Variants in NRXN3 observed in about 807,000 individuals in gnomAD.
The protein encoded by NRXN3 is neurexin III.
A neutral mutation model predicts 137.6 loss-of-function variants in NRXN3; 32 were observed. The ratio of observed to expected loss-of-function variants is 0.23; its 90% CI spans 0.18 to 0.31. The LOEUF (loss-of-function observed/expected upper bound fraction) is 0.31. Among genes scored for constraint, NRXN3 ranks in the 10% least tolerant of loss-of-function variants. NRXN3 has a pLI of 1.00. For synonymous variants in NRXN3, 798 were observed against 784.5 expected (o/e 1.02, Z -0.29); for missense variants, 1,574 against 2,062.5 (o/e 0.76, Z 4.59).
chr14:78,832,637 CT>C (rs1361682757), intron 10 of NRXN3, among the ~76,000 whole-genome samples: 1 of 152,014 alleles, frequency 6.6e-6, no homozygotes, highest in Non-Finnish European at 1.5e-5. Flanking sequence ...ATAAAAGTGC[CT>C]AGATCAAAGG....
intron 4 of NRXN3, among the ~76,000 whole-genome samples, chr14:78,501,968 C>T (rs1454268657): frequency 1.3e-5 from 2 of 152,130 alleles, no homozygotes; most frequent in Admixed American, 1.3e-4. Context: ...CTACTGCAGA[C>T]CCTGGATCTC....
chr14:79,317,229 T>C (rs559305853), intron 15 of NRXN3, among the ~76,000 whole-genome samples: 1 of 151,850 alleles, frequency 6.6e-6, no homozygotes, highest in East Asian at 1.9e-4. Context: ...CGAGGCTACT[T>C]CTCAAAAAAG....
intron 19 of NRXN3, among the ~76,000 whole-genome samples, chr14:79,759,049 G>A (rs896190795): frequency 6.6e-6 from 1 of 152,118 alleles, no homozygotes; most frequent in Admixed American, 6.6e-5. Flanking sequence ...ACATTGCAGG[G>A]GGTGGGAGAC....
At chr14:78,510,033 C>A (rs981036468) in intron 4 of NRXN3, among the ~76,000 whole-genome samples, 5 of 117,522 alleles carry the variant, frequency 4.3e-5, no homozygotes, top group Admixed American at 8.6e-5. Flanking sequence ...CAGAACATGA[C>A]AAAATTTTAT....
rs933733940 is a variant in NRXN3, at chr14:78,511,076, T to A, written c.758-134044T>A. On this transcript the variant is annotated intron_variant, in intron 4 of 20. Coordinates refer to ENST00000335750, the MANE Select transcript of NRXN3 (RefSeq NM_001330195.2). ...CCAGTGCCTTCTTATTTCTAATGCC[T>A]CCTAGTCTGATGTCACTGAGAAGAT... Among the ~76,000 whole-genome samples the A allele has an allele frequency of 3.9e-5, 6 of 152,288 alleles. No individual in the cohort carries two copies. The South Asian group carries it at 8.3e-4, about 21-fold the overall frequency.
intron 1 of NRXN3, among the ~76,000 whole-genome samples, chr14:78,218,313 G>T (rs552285421): frequency 6.6e-6 from 1 of 152,238 alleles, no homozygotes; most frequent in Non-Finnish European, 1.5e-5. Flanking sequence ...CCATGCTCAC[G>T]CCACTGTGCT....
intron 4 of NRXN3, among the ~76,000 whole-genome samples, chr14:78,397,141 T>G (rs865933481): frequency 6.6e-6 from 1 of 152,352 alleles, no homozygotes; most frequent in South Asian, 2.1e-4. Context: ...ATCATGTGGA[T>G]TTAAACATTT....
At chr14:79,213,603 G>A (rs1048014093) in intron 15 of NRXN3, among the ~76,000 whole-genome samples, 5 of 149,818 alleles carry the variant, frequency 3.3e-5, no homozygotes, top group African/African-American at 1.2e-4. Context: ...CCCAAGTCCT[G>A]TCTCCTCTCA....
intron 15 of NRXN3, among the ~76,000 whole-genome samples, chr14:79,210,385 T>C (rs1324216997): frequency 6.6e-6 from 1 of 152,170 alleles, no homozygotes; most frequent in Non-Finnish European, 1.5e-5. Context: ...AAGAAAATGT[T>C]GAATAAATGA....
intron 15 of NRXN3, among the ~76,000 whole-genome samples, chr14:79,204,696 C>T: frequency 6.6e-6 from 1 of 152,094 alleles, no homozygotes; most frequent in South Asian, 2.1e-4. Context: ...AACCAAGCAG[C>T]TGTTGGGTAG....
At chr14:79,754,925 A>C (rs2099014143) in intron 19 of NRXN3, among the ~76,000 whole-genome samples, 1 of 152,064 alleles carries the variant, frequency 6.6e-6, no homozygotes, top group Non-Finnish European at 1.5e-5. Context: ...CCATGCGAAG[A>C]AGGTCTTTGC....
At chr14:79,506,651 G>A (rs1184492768) in intron 16 of NRXN3, among the ~76,000 whole-genome samples, 1 of 152,034 alleles carries the variant, frequency 6.6e-6, no homozygotes, top group Non-Finnish European at 1.5e-5. Flanking sequence ...TCTAACTTAG[G>A]CAGCATTGAA....
intron 4 of NRXN3, among the ~76,000 whole-genome samples, chr14:78,625,057 G>A (rs2097443650): frequency 6.6e-6 from 1 of 152,074 alleles, no homozygotes; most frequent in Non-Finnish European, 1.5e-5. Flanking sequence ...GGTCAGGCTG[G>A]TCTTGAACTC....
chr14:79,541,922 C>A (rs907316635), intron 16 of NRXN3, among the ~76,000 whole-genome samples: 1 of 152,132 alleles, frequency 6.6e-6, no homozygotes, highest in Admixed American at 6.6e-5. Context: ...AAGCCTAGTT[C>A]ACTTTAGATT....
At chr14:78,171,869 G>A in intron 1 of NRXN3, among the ~76,000 whole-genome samples, 1 of 152,066 alleles carries the variant, frequency 6.6e-6, no homozygotes, top group East Asian at 1.9e-4. Flanking sequence ...AAGTAGGATT[G>A]CTCTTCTCTG....
chr14:78,600,709 G>C (rs554740682), intron 4 of NRXN3, among the ~76,000 whole-genome samples: 3 of 152,168 alleles, frequency 2.0e-5, no homozygotes, highest in African/African-American at 4.8e-5. Flanking sequence ...CACCCTCCAG[G>C]GCTCTGGACA....
intron 15 of NRXN3, among the ~76,000 whole-genome samples, chr14:79,413,642 G>T (rs919609877): frequency 9.2e-5 from 14 of 152,144 alleles, no homozygotes; most frequent in African/African-American, 3.4e-4. Flanking sequence ...CTTTTACATA[G>T]AGGGTACAAC....
intron 4 of NRXN3, among the ~76,000 whole-genome samples, chr14:78,594,611 A>G (rs1220765855): frequency 2.6e-5 from 4 of 152,174 alleles, no homozygotes; most frequent in Non-Finnish European, 5.9e-5. Flanking sequence ...GCACAGTTCT[A>G]GATTCATATT....
chr14:79,743,567 A>G (rs1191709212), intron 19 of NRXN3, among the ~76,000 whole-genome samples: 1 of 152,182 alleles, frequency 6.6e-6, no homozygotes, highest in African/African-American at 2.4e-5. Flanking sequence ...AGAAATAAAG[A>G]TTTTTAAAAC....
Sources: gnomAD v4.1 joint callset for allele counts (sites outside exome capture counted in the v4.1 genomes callset) on GRCh38, gnomAD v4.1.1 for gene constraint, MANE v1.5 for transcripts, NCBI Gene and HGNC (gene_info 2026-07-23, HGNC 2026-07-21) for gene names.